Variants in PRKCB observed in about 807,000 individuals in gnomAD.
PRKCB encodes the protein protein kinase C beta type.
Under a neutral mutation model 81.5 loss-of-function variants are expected in PRKCB, and 13 were observed. The observed-to-expected ratio is 0.16, with a 90% CI of 0.10 to 0.25. PRKCB has a LOEUF of 0.25. Ranked by LOEUF, PRKCB falls within the 10% of genes least tolerant of loss-of-function variation. The pLI, the probability that PRKCB is intolerant of heterozygous loss-of-function variation, is 1.00. For missense variants in PRKCB, 509 were observed against 875.7 expected (o/e 0.58, Z 5.29); for synonymous variants, 335 against 321.4 (o/e 1.04, Z -0.45).
intron 2 of PRKCB, among the ~76,000 whole-genome samples, chr16:23,962,158 C>T (rs1964435016): frequency 6.6e-6 from 1 of 152,212 alleles, no homozygotes; most frequent in Non-Finnish European, 1.5e-5. Flanking sequence ...CCAGATCTGA[C>T]TCCACTTCTG....
At chr16:23,857,368 A>G (rs964731568) in intron 2 of PRKCB, among the ~76,000 whole-genome samples, 1 of 152,002 alleles carries the variant, frequency 6.6e-6, no homozygotes, top group Non-Finnish European at 1.5e-5. Context: ...AGAGGGAGGG[A>G]GGAGGAGGTG....
At chr16:24,144,707 G>A (rs1270808931) in intron 9 of PRKCB, among the ~76,000 whole-genome samples, 1 of 152,226 alleles carries the variant, frequency 6.6e-6, no homozygotes, top group Admixed American at 6.5e-5. Context: ...TGAAATATGA[G>A]TTGGATGGAG....
chr16:24,144,099 G>A (rs1464629914), intron 9 of PRKCB, among the ~76,000 whole-genome samples: 1 of 151,870 alleles, frequency 6.6e-6, no homozygotes, highest in African/African-American at 2.4e-5. Flanking sequence ...GATTGCTTTG[G>A]TTTCCAGGAA....
chr16:23,914,272 C>G (rs1963705452), intron 2 of PRKCB, among the ~76,000 whole-genome samples: 1 of 152,220 alleles, frequency 6.6e-6, no homozygotes, highest in African/African-American at 2.4e-5. Context: ...GCCTCAGCTT[C>G]CTGAACAGCT....
chr16:23,985,450 G>A (rs969020414), intron 2 of PRKCB, among the ~76,000 whole-genome samples: 1 of 152,078 alleles, frequency 6.6e-6, no homozygotes, highest in African/African-American at 2.4e-5. Context: ...ATGAAGACAT[G>A]TCAAATTTAC....
rs1869595526 is a variant in PRKCB at position 24,168,381 on chromosome 16, A to G, written c.1240-3889A>G. On this transcript the variant is annotated intron_variant, in intron 10 of 16. Coordinates refer to ENST00000643927, the MANE Select transcript of PRKCB (RefSeq NM_002738.7). ...TTATAGCCCCTCACAATAGCTTTGC[A>G]ACTTTTGACAGCAAGTCACCTTTTA... 2.0e-5 allele frequency among the ~76,000 whole-genome samples: 3 copies of G among 152,172 alleles called. 1 individual carries two copies. In the South Asian group the frequency reaches 6.2e-4, roughly 32 times the overall value.
intron 5 of PRKCB, among the ~76,000 whole-genome samples, chr16:24,069,676 G>T (rs1464926584): frequency 6.6e-6 from 1 of 152,166 alleles, no homozygotes; most frequent in Non-Finnish European, 1.5e-5. Flanking sequence ...AAAGGTTGAG[G>T]CTGCAGTGAG....
chr16:24,053,604 G>A (rs771933951), intron 5 of PRKCB, among the ~76,000 whole-genome samples: 2 of 152,138 alleles, frequency 1.3e-5, no homozygotes, highest in Non-Finnish European at 2.9e-5. Flanking sequence ...AGGCAGGAGG[G>A]GACTGGACCT....
intron 16 of PRKCB, among the ~76,000 whole-genome samples, chr16:24,213,539 A>G (rs1449468308): frequency 6.6e-6 from 1 of 152,208 alleles, no homozygotes; most frequent in African/African-American, 2.4e-5. Flanking sequence ...CAAGTAAAGA[A>G]CTTTCCAGTA....
At chr16:24,133,564 T>A (rs2141937354) in intron 9 of PRKCB, among the ~76,000 whole-genome samples, 1 of 152,282 alleles carries the variant, frequency 6.6e-6, no homozygotes, top group East Asian at 1.9e-4. Context: ...ACCTCCATTT[T>A]CTTAACCCTT....
intron 2 of PRKCB, among the ~76,000 whole-genome samples, chr16:23,847,404 C>A (rs917594568): frequency 4.0e-5 from 6 of 151,512 alleles, no homozygotes; most frequent in Admixed American, 4.0e-4. Flanking sequence ...ATCCATCCAT[C>A]CACCTATCCA....
At chr16:24,193,296 A>G (rs1331546287) in intron 16 of PRKCB, among the ~76,000 whole-genome samples, 1 of 151,732 alleles carries the variant, frequency 6.6e-6, no homozygotes, top group South Asian at 2.1e-4. Flanking sequence ...AGTACAAAAA[A>G]TAGCTAGGTG....
intron 9 of PRKCB, among the ~76,000 whole-genome samples, chr16:24,131,627 T>C (rs912605720): frequency 4.6e-5 from 7 of 152,252 alleles, no homozygotes; most frequent in African/African-American, 1.7e-4. Flanking sequence ...TGACTTTAAC[T>C]TGACTTCCTT....
At chr16:23,980,261 T>TG (rs1225501447) in intron 2 of PRKCB, among the ~76,000 whole-genome samples, 1 of 152,262 alleles carries the variant, frequency 6.6e-6, no homozygotes, top group Non-Finnish European at 1.5e-5. Context: ...TTTCTGTCTT[T>TG]GATCATGGAA....
At chr16:24,131,381 A>G (rs891350251) in intron 9 of PRKCB, among the ~76,000 whole-genome samples, 79 of 152,312 alleles carry the variant, frequency 5.2e-4, no homozygotes, top group African/African-American at 1.8e-3. Context: ...ATCACTAAGG[A>G]GGCTGTGGAG....
chr16:24,216,018 A>G lies in PRKCB; in HGVS notation c.*1202A>G. On this transcript the variant is annotated 3_prime_UTR_variant, in exon 17 of 17. Coordinates refer to ENST00000643927, the MANE Select transcript of PRKCB (RefSeq NM_002738.7). ...AAAAAAAAAGAAAAGAAGAAGAAAT[A>G]CTATTTCAAGGAAAACTGCTCTTTT... 1.0e-6 allele frequency: 1 copy of G among 984,996 alleles called. No individual in the cohort carries two copies. Among genetic ancestry groups the G allele is most frequent in the Non-Finnish European group, 1.2e-6 (1 of 829,608 alleles). 61.0% of individuals were successfully genotyped at this position (984,996 alleles called of 1,614,324 possible).
At chr16:23,860,547 T>A (rs1316381012) in intron 2 of PRKCB, among the ~76,000 whole-genome samples, 1 of 152,158 alleles carries the variant, frequency 6.6e-6, no homozygotes, top group Non-Finnish European at 1.5e-5. Context: ...AGATTTTTAA[T>A]GATGTAAGGT....
At chr16:23,840,170 G>A (rs1330849239) in intron 2 of PRKCB, among the ~76,000 whole-genome samples, 1 of 152,184 alleles carries the variant, frequency 6.6e-6, no homozygotes, top group African/African-American at 2.4e-5. Context: ...AACCACTGAG[G>A]AGTTCCTTAG....
intron 8 of PRKCB, among the ~76,000 whole-genome samples, chr16:24,116,020 T>G (rs1321927155): frequency 6.6e-6 from 1 of 152,026 alleles, no homozygotes; most frequent in Non-Finnish European, 1.5e-5. Flanking sequence ...TCCCAAGGAT[T>G]TTAGCATTTA....
Sources: gnomAD v4.1 joint callset for allele counts (sites outside exome capture counted in the v4.1 genomes callset) on GRCh38, gnomAD v4.1.1 for gene constraint, MANE v1.5 for transcripts, NCBI Gene and HGNC (gene_info 2026-07-23, HGNC 2026-07-21) for gene names.